CLUAP1: variants seen among roughly 807,000 people sequenced by gnomAD.
CLUAP1 encodes the protein clusterin-associated protein 1.
Under a neutral mutation model 55.0 loss-of-function variants are expected in CLUAP1, and 50 were observed. The ratio of observed to expected loss-of-function variants is 0.91; its 90% CI spans 0.72 to 1.15. CLUAP1 has a LOEUF of 1.15. Ranked by LOEUF, CLUAP1 falls within the 50% of genes most tolerant of loss-of-function variation. The pLI, the probability that CLUAP1 is intolerant of heterozygous loss-of-function variation, is 0.00. For synonymous variants in CLUAP1, 195 were observed against 175.4 expected (o/e 1.11, Z -0.88); for missense variants, 530 against 507.6 (o/e 1.04, Z -0.42).
chr16:3,525,741 AT>A (rs1168790757), intron 8 of CLUAP1, among the ~76,000 whole-genome samples: 4 of 152,028 alleles, frequency 2.6e-5, no homozygotes, highest in Non-Finnish European at 4.4e-5. Flanking sequence ...AATTTTTTAA[AT>A]TTGTTGTAGA....
chr16:3,516,866 A>G (rs541397931), intron 6 of CLUAP1, among the ~76,000 whole-genome samples: 1 of 152,306 alleles, frequency 6.6e-6, no homozygotes, highest in Admixed American at 6.5e-5. Flanking sequence ...AAGTACGAGA[A>G]AGTAAGGAAG....
rs769420530 is a variant in CLUAP1, at chr16:3,508,314, A to C, written c.245A>C (p.Asn82Thr). ...GCCACCAAGGCACATATAAAACTCAACACTAAGAAGCTTTATCAAGCAGAT... is the reference window on the plus strand; with the variant it reads ...GCCACCAAGGCACATATAAAACTCACCACTAAGAAGCTTTATCAAGCAGAT... ...FMATKAHIKLNTKKLYQADGY... is the reference protein window; with the variant it reads ...FMATKAHIKLTTKKLYQADGY... The change falls in exon 4 of 12, where the codon AAC becomes ACC. Residue 82 changes from asparagine (N) to threonine (T), a missense_variant. Physicochemically the swap from Asn to Thr is moderately conservative, Grantham distance 65. Transcript: ENST00000576634. 13 of 1,603,790 alleles carry C rather than the reference A, an allele frequency of 8.1e-6. No individual in the cohort carries two copies. The highest frequency in any genetic ancestry group is 1.1e-5 in the Non-Finnish European group (13 of 1,177,454).
At chr16:3,517,606 C>T (rs988911973) in intron 6 of CLUAP1, among the ~76,000 whole-genome samples, 1 of 152,256 alleles carries the variant, frequency 6.6e-6, no homozygotes, top group Admixed American at 6.5e-5. Flanking sequence ...GGCATTGTGC[C>T]TGGCCCGCAG....
At chr16:3,501,257 G>A (rs2037394315) in intron 1 of CLUAP1, among the ~76,000 whole-genome samples, 168 bp downstream of exon 1, 2 of 152,234 alleles carry the variant, frequency 1.3e-5, no homozygotes, top group Non-Finnish European at 2.9e-5. Context: ...CCGGCCGAGC[G>A]TCCCAGGCCC....
At chr16:3,501,456 A>AT (rs1285151445) in intron 1 of CLUAP1, among the ~76,000 whole-genome samples, 2 of 152,206 alleles carry the variant, frequency 1.3e-5, no homozygotes, top group South Asian at 2.1e-4. Context: ...TTTAGAGACT[A>AT]TTTTTTGAGT....
chr16:3,524,759 G>C (rs986233084), intron 8 of CLUAP1, among the ~76,000 whole-genome samples: 1 of 152,148 alleles, frequency 6.6e-6, no homozygotes, highest in African/African-American at 2.4e-5. Flanking sequence ...CCATCTTACA[G>C]GTTCCTCTCA....
At chr16:3,509,639 C>A (rs1364222152) in intron 4 of CLUAP1, among the ~76,000 whole-genome samples, 1 of 152,152 alleles carries the variant, frequency 6.6e-6, no homozygotes, top group East Asian at 1.9e-4. Context: ...AGCAGGAGAC[C>A]TAGGAATGAA....
intron 8 of CLUAP1, among the ~76,000 whole-genome samples, chr16:3,526,029 T>C (rs1396182698): frequency 1.3e-5 from 2 of 152,180 alleles, no homozygotes; most frequent in African/African-American, 4.8e-5. Flanking sequence ...ATCTATACTT[T>C]CTTCCTTTGA....
At chr16:3,518,767 A>C (rs572142142) in intron 6 of CLUAP1, among the ~76,000 whole-genome samples, 115 of 152,322 alleles carry the variant, frequency 7.5e-4, no homozygotes, top group Non-Finnish European at 1.2e-3. Context: ...AGACCAAAAA[A>C]ATTAGACCAT....
chr16:3,516,086 T>C (rs1488996312), intron 6 of CLUAP1, among the ~76,000 whole-genome samples: 1 of 152,214 alleles, frequency 6.6e-6, no homozygotes, highest in Non-Finnish European at 1.5e-5. Context: ...CTGTGTGATA[T>C]TAGGCAAGTT....
upstream of CLUAP1, chr16:3,496,625 G>A (rs1017674162): frequency 1.7e-5 from 9 of 532,224 alleles, no homozygotes; most frequent in African/African-American, 3.8e-5. Context: ...CCTACTCTCC[G>A]GTCTTCGCAA....
In CLUAP1 at chr16:3,532,810, G is replaced by C. The variant is rs1276578792; in HGVS notation, c.1061G>C (p.Gly354Ala). 2.5e-6 allele frequency: 4 copies of C among 1,613,950 alleles called. No homozygotes were observed. In the African/African-American group the frequency reaches 5.3e-5, roughly 22 times the overall value. The change falls in exon 11 of 12, where the codon GGC becomes GCC. Residue 354 changes from glycine to alanine, a missense_variant. Physicochemically the swap from Gly to Ala is moderately conservative, Grantham distance 60. Transcript: ENST00000576634. The part of the protein sequence containing the change: ...MQGRPGKRIV[G>A]TMQGGDSDDN... ...GGAAGACCTGGCAAACGCATTGTGG[G>C]CACGATGCAAGGTGGAGACTCCGAT...
upstream of CLUAP1, among the ~76,000 whole-genome samples, chr16:3,497,935 G>A (rs903029447): frequency 6.6e-6 from 1 of 152,172 alleles, no homozygotes; most frequent in South Asian, 2.1e-4. Flanking sequence ...GGGGTGATAG[G>A]TGTGAGCCGC....
chr16:3,513,566 C>G (rs1859249), intron 5 of CLUAP1, among the ~76,000 whole-genome samples: 24,189 of 152,166 alleles, frequency 0.16, 2,305 homozygotes, highest in South Asian at 0.29. Context: ...TCTCCTTCCT[C>G]AGCCTCCTGA....
intron 1 of CLUAP1, among the ~76,000 whole-genome samples, chr16:3,504,381 T>C (rs1213870890): frequency 2.0e-5 from 3 of 152,226 alleles, no homozygotes; most frequent in Non-Finnish European, 4.4e-5. Context: ...AAATACTTTT[T>C]CTTCATGACA....
intron 6 of CLUAP1, among the ~76,000 whole-genome samples, chr16:3,518,489 T>G (rs918459396): frequency 2.0e-5 from 3 of 152,248 alleles, no homozygotes; most frequent in Non-Finnish European, 4.4e-5. Context: ...GGAAAATTGC[T>G]TGTGTTTACA....
At chr16:3,527,129 G>A (rs947393702) in intron 9 of CLUAP1, among the ~76,000 whole-genome samples, 20 of 152,132 alleles carry the variant, frequency 1.3e-4, no homozygotes, top group Admixed American at 4.6e-4. Context: ...AGCCGCCCAG[G>A]TGCCGAGGCA....
In CLUAP1 at chr16:3,530,617, T is replaced by C; in HGVS notation, c.978T>C (p.Ser326=). 2 of 1,613,848 alleles carry C rather than the reference T, an allele frequency of 1.2e-6. No individual in the cohort carries two copies. Among genetic ancestry groups the C allele is most frequent in the Non-Finnish European group, 1.7e-6 (2 of 1,179,932 alleles). Residue 326 remains serine, a synonymous_variant, in exon 10 of 12, where the codon AGT becomes AGC. Coordinates refer to ENST00000576634, the MANE Select transcript of CLUAP1 (RefSeq NM_015041.3). ...IDIQEDDESD[S]ELEERRLPKP... is the part of the protein sequence containing the mutation. The stretch of plus-strand genomic sequence containing the variant: ...TCCAGGAGGACGATGAATCCGACAG[T>C]GAGTTGGAAGAAAGGCGGCTGCCCA...
At chr16:3,533,322 T>A in intron 11 of CLUAP1, 1 of 614,384 alleles carries the variant, frequency 1.6e-6, no homozygotes, top group Non-Finnish European at 2.9e-6. Context: ...TGTGCTAAAG[T>A]GGAGGCGCAG....
Sources: gnomAD v4.1 joint callset for allele counts (sites outside exome capture counted in the v4.1 genomes callset) on GRCh38, gnomAD v4.1.1 for gene constraint, MANE v1.5 for transcripts, NCBI Gene and HGNC (gene_info 2026-07-23, HGNC 2026-07-21) for gene names.